Variants in STK3 observed in about 807,000 individuals in gnomAD.
STK3 encodes the protein serine/threonine-protein kinase 3.
A neutral mutation model predicts 58.0 loss-of-function variants in STK3; 41 were observed. The ratio of observed to expected loss-of-function variants is 0.71; its 90% CI spans 0.55 to 0.92. STK3 has a LOEUF of 0.92. Among genes scored for constraint, STK3 ranks in the 40% least tolerant of loss-of-function variants. The probability of loss-of-function intolerance (pLI) is 0.00; values close to 1 mark genes in which losing one functional copy is unlikely to be tolerated. For missense variants in STK3, 479 were observed against 602.7 expected (o/e 0.79, Z 2.15); for synonymous variants, 170 against 191.0 (o/e 0.89, Z 0.91).
At chr8:98,375,320 A>G (rs1817663465) in intron 2 of STK3, among the ~76,000 whole-genome samples, 1 of 152,124 alleles carries the variant, frequency 6.6e-6, no homozygotes, top group Non-Finnish European at 1.5e-5. Context: ...GTGCAATAAG[A>G]CAAGAAAAAG....
chr8:98,490,563 T>C (rs1822607739), intron 10 of STK3, among the ~76,000 whole-genome samples: 1 of 152,322 alleles, frequency 6.6e-6, no homozygotes, highest in African/African-American at 2.4e-5. Flanking sequence ...CCCCAATCCC[T>C]AACTATACTG....
chr8:98,908,795 A>G lies in STK3; in HGVS notation c.-78-24961T>C, dbSNP rs1839015808. Among the ~76,000 whole-genome samples the G allele has an allele frequency of 2.0e-5, 3 of 149,998 alleles. No homozygotes were observed. The South Asian group carries it at 6.4e-4, about 32-fold the overall frequency. On this transcript the variant is annotated intron_variant, in intron 1 of 1. Transcript: ENST00000519420. ...GAGGCGGAGGTTGCAGTGAGCCGAG[A>G]TAACACCATTGCATTCCAGCCTGGG...
At chr8:98,581,956 C>T (rs1292452183) in intron 7 of STK3, among the ~76,000 whole-genome samples, 2 of 152,144 alleles carry the variant, frequency 1.3e-5, no homozygotes, top group Non-Finnish European at 1.5e-5. Flanking sequence ...TTCTTCAACT[C>T]ACTTTAAGCA....
chr8:98,389,756 C>A (rs914261747), upstream of STK3, among the ~76,000 whole-genome samples: 1 of 149,444 alleles, frequency 6.7e-6, no homozygotes, highest in Non-Finnish European at 1.5e-5. Flanking sequence ...TAGTGGCCAC[C>A]CCTAGACCAA....
chr8:98,352,490 G>A, the STK3 span, among the ~76,000 whole-genome samples: 1 of 152,154 alleles, frequency 6.6e-6, no homozygotes, highest in Non-Finnish European at 1.5e-5. Context: ...AGTGAATGAC[G>A]ATGGCATTGT....
intron 1 of STK3, among the ~76,000 whole-genome samples, chr8:98,918,923 C>T (rs1049863909): frequency 2.6e-5 from 4 of 151,706 alleles, no homozygotes; most frequent in East Asian, 1.9e-4. Flanking sequence ...ACATCAGGAC[C>T]GGCCTGAGAG....
At chr8:98,656,985 C>G (rs1289173076) in intron 6 of STK3, among the ~76,000 whole-genome samples, 2 of 151,956 alleles carry the variant, frequency 1.3e-5, no homozygotes, top group Admixed American at 1.3e-4. Context: ...CTACGTAATA[C>G]AGATGGATAC....
chr8:98,782,134 T>G (rs1296686739), intron 1 of STK3: 2 of 234,298 alleles, frequency 8.5e-6, no homozygotes, highest in Non-Finnish European at 1.7e-5. Flanking sequence ...ACCAATGAAA[T>G]TGGCCATGCC....
chr8:98,778,907 C>T (rs1214886307), intron 1 of STK3: 1 of 152,100 alleles, frequency 6.6e-6, no homozygotes, highest in Non-Finnish European at 1.5e-5. Flanking sequence ...GCAGGGATAG[C>T]ATTAGGAGAT....
At chr8:98,571,705 G>A (rs943572077) in intron 8 of STK3, among the ~76,000 whole-genome samples, 5 of 152,076 alleles carry the variant, frequency 3.3e-5, no homozygotes, top group African/African-American at 1.2e-4. Flanking sequence ...TTAATATGAA[G>A]TCAAATAACA....
intron 3 of STK3, among the ~76,000 whole-genome samples, chr8:98,422,521 G>A (rs1344704302): frequency 1.1e-4 from 16 of 152,182 alleles, no homozygotes; most frequent in Admixed American, 1.0e-3. Flanking sequence ...GCTCAAGAGG[G>A]GATCCTCTTC....
At chr8:98,633,502 G>A (rs529829653) in intron 6 of STK3, 1 of 650,664 alleles carries the variant, frequency 1.5e-6, no homozygotes, top group Admixed American at 2.4e-5. Flanking sequence ...CGGTGGCGTT[G>A]GCTTTGCCAG....
intron 6 of STK3, among the ~76,000 whole-genome samples, chr8:98,664,278 A>G (rs1192209994): frequency 1.3e-5 from 2 of 152,166 alleles, no homozygotes; most frequent in African/African-American, 2.4e-5. Context: ...ACCAAAAAAA[A>G]GGGGATCAGC....
At chr8:98,710,383 C>T (rs1028727490) in intron 4 of STK3, among the ~76,000 whole-genome samples, 3 of 152,194 alleles carry the variant, frequency 2.0e-5, no homozygotes, top group Non-Finnish European at 4.4e-5. Flanking sequence ...AGGGAATTCC[C>T]TTTCCTAGTC....
At chr8:98,676,507 G>A (rs1486751972) in intron 6 of STK3, among the ~76,000 whole-genome samples, 1 of 151,944 alleles carries the variant, frequency 6.6e-6, no homozygotes, top group African/African-American at 2.4e-5. Flanking sequence ...CAGCTACCTG[G>A]GAGGCTGAGG....
At chr8:98,541,420 C>G (rs942886601) in intron 9 of STK3, among the ~76,000 whole-genome samples, 3 of 152,130 alleles carry the variant, frequency 2.0e-5, no homozygotes, top group Non-Finnish European at 4.4e-5. Context: ...TTCCCCGTCC[C>G]CTTCCACCAT....
intron 6 of STK3, among the ~76,000 whole-genome samples, chr8:98,691,803 G>A (rs192775981): frequency 7.2e-5 from 11 of 151,828 alleles, no homozygotes; most frequent in South Asian, 2.1e-4. Flanking sequence ...GTGGTGGCGC[G>A]CATCTGTAAT....
intron 1 of STK3, among the ~76,000 whole-genome samples, chr8:98,823,429 A>G (rs1835038013): frequency 6.6e-6 from 1 of 152,204 alleles, no homozygotes. Context: ...GAATGATAAG[A>G]AAGAGAGTTT....
At chr8:98,864,033 A>G (rs1215813882) in intron 3 of STK3, among the ~76,000 whole-genome samples, 2 of 151,734 alleles carry the variant, frequency 1.3e-5, no homozygotes, top group Admixed American at 1.3e-4. Context: ...CGTCTCTACT[A>G]AAAATACAAA....
Sources: gnomAD v4.1 joint callset for allele counts (sites outside exome capture counted in the v4.1 genomes callset) on GRCh38, gnomAD v4.1.1 for gene constraint, MANE v1.5 for transcripts, NCBI Gene and HGNC (gene_info 2026-07-23, HGNC 2026-07-21) for gene names.